DPP4: variants seen among roughly 807,000 people sequenced by gnomAD.
DPP4 encodes the protein dipeptidyl peptidase 4.
In DPP4, 93 loss-of-function variants were observed where a neutral mutation model predicts 122.4. That is an observed-to-expected ratio of 0.76 (90% CI 0.64 to 0.90). The LOEUF is 0.90. Ranked by LOEUF, DPP4 falls within the 40% of genes least tolerant of loss-of-function variation. The pLI is 0.00. For missense variants in DPP4, 914 were observed against 907.3 expected, an observed-to-expected ratio of 1.01 and a Z score of -0.09; for synonymous variants, 321 against 302.9, an observed-to-expected ratio of 1.06 and a Z score of -0.62.
intron 22 of DPP4, 52 bp from the exon 23 acceptor site, chr2:162,005,861 T>A: frequency 6.7e-7 from 1 of 1,489,704 alleles, no homozygotes; most frequent in Non-Finnish European, 9.2e-7. Flanking sequence ...ATAACAACTT[T>A]TCTTGCTTTT....
At chr2:162,012,513 TATGAATGA>T (rs1682738423) in intron 19 of DPP4, among the ~76,000 whole-genome samples, 1 of 152,100 alleles carries the variant, frequency 6.6e-6, no homozygotes, top group African/African-American at 2.4e-5. Flanking sequence ...TGGACTGCAG[TATGAATGA>T]ATGCTAACAT....
chr2:162,058,914 G>C lies in DPP4; in HGVS notation c.95-11413C>G, dbSNP rs956702344. Among the ~76,000 whole-genome samples the C allele has an allele frequency of 3.0e-4, 45 of 152,164 alleles. 1 individual carries two copies. The highest frequency in any genetic ancestry group is 5.9e-5 in the Non-Finnish European group (4 of 68,028). ...CACCATTAAAGCAAAAACAAAAACT[G>C]CTCACAAGACTGGACTTGAAAGACA... On this transcript the variant is annotated intron_variant, in intron 2 of 25. Coordinates refer to ENST00000360534, the MANE Select transcript of DPP4 (RefSeq NM_001935.4).
rs771209576 is a variant in DPP4, at chr2:161,993,256, C to T, written c.*27G>A. On this transcript the variant is annotated 3_prime_UTR_variant, in exon 26 of 26. Coordinates refer to ENST00000360534, the MANE Select transcript of DPP4 (RefSeq NM_001935.4). ...GAAAACAAAAATGAGTTTTAATAAG[C>T]TTTAAATGGCATGGTATTTTGAGGT... 3 of 1,552,084 alleles carry T rather than the reference C, an allele frequency of 1.9e-6. No individual in the cohort carries two copies. The South Asian group carries it at 3.3e-5, about 17-fold the overall frequency.
intron 2 of DPP4, among the ~76,000 whole-genome samples, chr2:162,060,891 T>C (rs1475994353): frequency 6.6e-6 from 1 of 151,526 alleles, no homozygotes; most frequent in African/African-American, 2.4e-5. Context: ...CTTTCTTTCC[T>C]TCCTTCCTCC....
intron 23 of DPP4, among the ~76,000 whole-genome samples, chr2:162,004,922 G>A (rs1191385653): frequency 2.0e-5 from 3 of 152,120 alleles, no homozygotes; most frequent in Admixed American, 6.5e-5. Context: ...CATCATAAAT[G>A]ATTTACCTTG....
intron 2 of DPP4, among the ~76,000 whole-genome samples, chr2:162,072,081 T>C (rs1410170330): frequency 1.3e-5 from 2 of 152,224 alleles, no homozygotes; most frequent in Non-Finnish European, 2.9e-5. Flanking sequence ...TGTTTGCATG[T>C]TCCCACTAGC....
rs1576070142 is a variant in DPP4 at position 162,057,098 on chromosome 2, C to G, written c.95-9597G>C. On this transcript the variant is annotated intron_variant, in intron 2 of 25. Coordinates refer to ENST00000360534, the MANE Select transcript of DPP4 (RefSeq NM_001935.4). ...CTAGGTCCCTGCCTGCCAAATCATC[C>G]TTAAAAACCCTAACCTCCAAGCTTT... Among the ~76,000 whole-genome samples the G allele has an allele frequency of 5.3e-5, 8 of 151,296 alleles. No individual in the cohort carries two copies. The South Asian group carries it at 1.7e-3, about 31-fold the overall frequency.
chr2:162,051,317 C>T (rs1297876480), intron 2 of DPP4, among the ~76,000 whole-genome samples: 1 of 152,116 alleles, frequency 6.6e-6, no homozygotes, highest in Non-Finnish European at 1.5e-5. Context: ...TAGTATAGTT[C>T]CACGGGATAT....
chr2:162,039,436 G>A (rs1683910093), intron 5 of DPP4, among the ~76,000 whole-genome samples: 1 of 151,992 alleles, frequency 6.6e-6, no homozygotes, highest in Non-Finnish European at 1.5e-5. Flanking sequence ...CACCAAAAAT[G>A]TCATTTTGTA....
chr2:162,066,930 C>A (rs1200720780), intron 2 of DPP4, among the ~76,000 whole-genome samples: 2 of 115,238 alleles, frequency 1.7e-5, no homozygotes, highest in East Asian at 2.3e-4. Context: ...TATGCAGATA[C>A]CTTCCATTAG....
At chr2:162,048,992 C>T (rs909165599) in intron 2 of DPP4, among the ~76,000 whole-genome samples, 1 of 152,176 alleles carries the variant, frequency 6.6e-6, no homozygotes, top group African/African-American at 2.4e-5. Context: ...AACGTGATTC[C>T]TCTTCTCCAA....
rs578096698 is a variant in DPP4 at position 162,025,088 on chromosome 2, A to C, written c.888-149T>G. 2.0e-5 allele frequency: 17 copies of C among 856,236 alleles called. No homozygotes were observed. The African/African-American group carries it at 2.1e-4, about 10-fold the overall frequency. 53.0% of individuals were successfully genotyped at this position (856,236 alleles called of 1,614,324 possible). A position where few individuals can be genotyped will look rare whatever the true frequency, so the allele number is the denominator to read the frequency against. ...AATGGTTAATGAAACCATTTAATAT[A>C]ATATTTCACCTTTTCTTAAAGCTTA... On this transcript the variant is annotated intron_variant, in intron 10 of 25. Coordinates refer to ENST00000360534, the MANE Select transcript of DPP4 (RefSeq NM_001935.4).
At chr2:162,043,503 C>T (rs1047698891) in intron 5 of DPP4, among the ~76,000 whole-genome samples, 3 of 152,174 alleles carry the variant, frequency 2.0e-5, no homozygotes, top group Non-Finnish European at 4.4e-5. Context: ...ACTCCAGTGA[C>T]ACAACAAATA....
Position 162,009,293 on chromosome 2 carries a change from T to C in DPP4, c.1835A>G (p.Gln612Arg). ...GTCCACAAATCCCATTTTTGAAAAT[T>C]GTCTAAAACACAAGGAAAAAGTCCA... ...EVEDQIEAAR[Q>R]FSKMGFVDNK... The change falls in exon 21 of 26, where the codon CAA becomes CGA. Residue 612 changes from glutamine (Q) to arginine (R), a missense_variant and splice_region_variant. By Grantham distance (43) the Gln-to-Arg change is conservative. Transcript: ENST00000360534. The C allele has an allele frequency of 1.2e-6, 2 of 1,613,724 alleles. No individual in the cohort carries two copies. The highest frequency in any genetic ancestry group is 1.7e-4 in the Middle Eastern group (1 of 6,060).
At chr2:162,017,086 A>G (rs1204765346) in intron 17 of DPP4, 22 bp downstream of exon 17, 1 of 1,606,714 alleles carries the variant, frequency 6.2e-7, no homozygotes, top group East Asian at 2.2e-5. Context: ...AAACAAATGA[A>G]GAGTAAAATA....
chr2:162,014,044 G>A (rs1682813757), intron 19 of DPP4, among the ~76,000 whole-genome samples: 1 of 152,122 alleles, frequency 6.6e-6, no homozygotes, highest in Non-Finnish European at 1.5e-5. Flanking sequence ...CTGGGGTAAG[G>A]GAACTGTCAC....
At chr2:162,037,549 A>C (rs1342400154) in intron 8 of DPP4, among the ~76,000 whole-genome samples, 1 of 152,208 alleles carries the variant, frequency 6.6e-6, no homozygotes, top group African/African-American at 2.4e-5. Flanking sequence ...AAGAAGAAAA[A>C]AATAATACGA....
At chr2:162,015,725 G>T (rs549633969) in intron 18 of DPP4, among the ~76,000 whole-genome samples, 2 of 151,976 alleles carry the variant, frequency 1.3e-5, no homozygotes, top group Admixed American at 6.6e-5. Flanking sequence ...CAAGTCACCC[G>T]TCTACTAATG....
At chr2:162,025,209 C>T (rs947487226) in intron 10 of DPP4, among the ~76,000 whole-genome samples, 3 of 152,106 alleles carry the variant, frequency 2.0e-5, no homozygotes, top group Admixed American at 6.6e-5. Context: ...ACTCAAACCA[C>T]GAGCTCAGGA....
Sources: allele counts gnomAD v4.1 joint callset (sites outside exome capture counted in the v4.1 genomes callset), GRCh38; gene constraint gnomAD v4.1.1; transcripts MANE v1.5; gene names NCBI Gene and HGNC (gene_info 2026-07-23, HGNC 2026-07-21).